Variants in MAGEC3 observed in about 807,000 individuals in gnomAD.
MAGEC3 encodes melanoma-associated antigen C3.
Under a neutral mutation model 35.3 loss-of-function variants are expected in MAGEC3, and 34 were observed. The observed-to-expected ratio is 0.96, with a 90% CI of 0.73 to 1.28. The LOEUF is 1.28. Ranked by LOEUF, MAGEC3 falls within the 50% of genes most tolerant of loss-of-function variation. The pLI is 0.00. For synonymous variants in MAGEC3, 202 were observed against 185.6 expected, an observed-to-expected ratio of 1.09 and a Z score of -0.72; for missense variants, 561 against 483.6, an observed-to-expected ratio of 1.16 and a Z score of -1.50.
chrX:141,861,435 T>C (rs1242399522), intron 1 of MAGEC3, among the ~76,000 whole-genome samples: 1 of 110,824 alleles, frequency 9.0e-6, no homozygotes, highest in Non-Finnish European at 1.9e-5. Flanking sequence ...AAAAAAAATA[T>C]GAAAATTTGT....
chrX:141,896,844 C>T (rs2018101192), intron 6 of MAGEC3, 38 bp from the exon 7 acceptor site: 1 of 1,199,330 alleles, frequency 8.3e-7, no homozygotes, highest in African/African-American at 1.8e-5. Flanking sequence ...CACCCTTGTC[C>T]TCACCCTTAC....
At chrX:141,865,102 T>G (rs1363524936) in intron 1 of MAGEC3, among the ~76,000 whole-genome samples, 2 of 112,054 alleles carry the variant, frequency 1.8e-5, no homozygotes, top group African/African-American at 6.5e-5. Context: ...TTGAAAGCCC[T>G]TTCTGTATTC....
At chrX:141,861,994 A>G (rs1183423428) in intron 1 of MAGEC3, among the ~76,000 whole-genome samples, 1 of 111,853 alleles carries the variant, frequency 8.9e-6, no homozygotes, top group African/African-American at 3.2e-5. Context: ...AAGTGAAGAG[A>G]CAATTCCCTT....
intron 2 of MAGEC3, 24 bp from the exon 3 acceptor site, chrX:141,879,151 C>T (rs775369121): frequency 6.9e-6 from 8 of 1,156,528 alleles, no homozygotes; most frequent in Non-Finnish European, 9.2e-6. Context: ...AGTGCCCCTC[C>T]CCTGTCCCTG....
chrX:141,877,176 T>C (rs910053223), intron 2 of MAGEC3, among the ~76,000 whole-genome samples: 1 of 112,136 alleles, frequency 8.9e-6, no homozygotes, highest in Non-Finnish European at 1.9e-5. Flanking sequence ...GAATTTATTT[T>C]ATTTTATGTT....
chrX:141,888,938 GATATGGGTTCGCCTGTCCTGCAC>G (rs1207101290), intron 4 of MAGEC3, among the ~76,000 whole-genome samples: 2 of 112,433 alleles, frequency 1.8e-5, no homozygotes, highest in African/African-American at 6.5e-5. Context: ...ACTTATTCCA[GATATGGGTTCGCCTGTCCTGCAC>G]ACAGTGCTTC....
At chrX:141,892,475 G>A (rs765832866) in intron 4 of MAGEC3, among the ~76,000 whole-genome samples, 1 of 111,378 alleles carries the variant, frequency 9.0e-6, no homozygotes, top group East Asian at 2.8e-4. Flanking sequence ...AGGAAACTGA[G>A]TCAGTATGAA....
intron 1 of MAGEC3, among the ~76,000 whole-genome samples, chrX:141,861,840 G>A (rs2017817161): frequency 8.9e-6 from 1 of 111,927 alleles, no homozygotes; most frequent in Non-Finnish European, 1.9e-5. Flanking sequence ...TACTGGAAGA[G>A]AATAAGGAAA....
chrX:141,850,466 T>C (rs1441388367), intron 1 of MAGEC3, among the ~76,000 whole-genome samples: 1 of 111,236 alleles, frequency 9.0e-6, no homozygotes, highest in Non-Finnish European at 1.9e-5. Flanking sequence ...TGCAGGAAAG[T>C]GTTATAGTCC....
intron 1 of MAGEC3, among the ~76,000 whole-genome samples, chrX:141,847,151 T>A (rs2017722079): frequency 9.0e-6 from 1 of 111,184 alleles, no homozygotes; most frequent in Admixed American, 9.6e-5. Flanking sequence ...GGGAATTCTG[T>A]ACTCTAGTGA....
chrX:141,879,994 G>C (rs1469127096), intron 3 of MAGEC3, among the ~76,000 whole-genome samples: 1 of 111,643 alleles, frequency 9.0e-6, no homozygotes, highest in Non-Finnish European at 1.9e-5. Context: ...GAGATTCCCA[G>C]CATGCTCCTC....
chrX:141,874,910 G>A (rs923150683), intron 2 of MAGEC3, among the ~76,000 whole-genome samples: 1 of 111,168 alleles, frequency 9.0e-6, no homozygotes, highest in African/African-American at 3.3e-5. Context: ...TCAAGGTGAA[G>A]CAAGAGAAAT....
At chrX:141,841,160 T>G (rs2017683315) in intron 1 of MAGEC3, among the ~76,000 whole-genome samples, 1 of 111,255 alleles carries the variant, frequency 9.0e-6, no homozygotes, top group Non-Finnish European at 1.9e-5. Context: ...TCACTCTTTC[T>G]TCAACCTGGT....
At chrX:141,884,948 T>A (rs1401315725) in intron 4 of MAGEC3, among the ~76,000 whole-genome samples, 1 of 110,313 alleles carries the variant, frequency 9.1e-6, no homozygotes, top group African/African-American at 3.3e-5. Flanking sequence ...TGAGTGAGAG[T>A]CTTATCTCCT....
chrX:141,895,463 G>T (rs749922630), intron 5 of MAGEC3, 22 bp from the exon 6 acceptor site: 76 of 1,208,363 alleles, frequency 6.3e-5, no homozygotes, highest in Non-Finnish European at 8.2e-5. Flanking sequence ...AAGAAGCCCC[G>T]GTCTGCCCTG....
At chrX:141,861,509 C>T (rs1204669447) in intron 1 of MAGEC3, among the ~76,000 whole-genome samples, 11 of 111,555 alleles carry the variant, frequency 9.9e-5, no homozygotes, top group East Asian at 2.8e-4. Context: ...AAGCTGGAGG[C>T]GTAACACTAC....
intron 2 of MAGEC3, among the ~76,000 whole-genome samples, chrX:141,867,317 A>G (rs2017855369): frequency 8.9e-6 from 1 of 111,854 alleles, no homozygotes; most frequent in African/African-American, 3.3e-5. Flanking sequence ...AATGGGCCTT[A>G]ATAAGCACAT....
At chrX:141,896,297 T>G (rs1016207312) in intron 6 of MAGEC3, 1 of 407,305 alleles carries the variant, frequency 2.5e-6, no homozygotes, top group African/African-American at 2.7e-5. Flanking sequence ...GCCCTGACTG[T>G]GTACCAAGGG....
intron 4 of MAGEC3, among the ~76,000 whole-genome samples, chrX:141,893,876 T>A (rs1302039177): frequency 9.0e-6 from 1 of 111,340 alleles, no homozygotes; most frequent in South Asian, 3.8e-4. Context: ...TATAAAAAGA[T>A]GACCAACGTC....
Sources: allele counts gnomAD v4.1 joint callset (sites outside exome capture counted in the v4.1 genomes callset), GRCh38; gene constraint gnomAD v4.1.1; transcripts MANE v1.5; gene names NCBI Gene and HGNC (gene_info 2026-07-23, HGNC 2026-07-21).